The following PDCD6 variants were observed in gnomAD, a reference collection of about 807,000 sequenced individuals.
PDCD6 encodes the protein programmed cell death protein 6.
Under a neutral mutation model 28.3 loss-of-function variants are expected in PDCD6, and 12 were observed. The observed-to-expected ratio is 0.42, with a 90% CI of 0.27 to 0.69. The LOEUF (loss-of-function observed/expected upper bound fraction) is 0.69. Among genes scored for constraint, PDCD6 ranks in the 30% least tolerant of loss-of-function variants. The pLI, the probability that PDCD6 is intolerant of heterozygous loss-of-function variation, is 0.22. For synonymous variants in PDCD6, 92 were observed against 108.0 expected, an observed-to-expected ratio of 0.85 and a Z score of 0.92; for missense variants, 226 against 269.9, an observed-to-expected ratio of 0.84 and a Z score of 1.14.
rs1467813442 is a variant in PDCD6, at chr5:293,050, G to A, written c.164-11127G>A. The stretch of plus-strand genomic sequence containing the variant: ...GTCCCCTCTCAAGTCTGCACCATCC[G>A]GAAAACCAAACACCTCTCTCTCCTA... On this transcript the variant is annotated intron_variant, in intron 2 of 5. Coordinates refer to ENST00000264933, the MANE Select transcript of PDCD6 (RefSeq NM_013232.4). Among the ~76,000 whole-genome samples, 12 of 152,214 alleles carry A rather than the reference G, an allele frequency of 7.9e-5. No homozygotes were observed. In the South Asian group the frequency reaches 1.9e-3, roughly 24 times the overall value.
chr5:275,671 G>T (rs1048675133), intron 2 of PDCD6, among the ~76,000 whole-genome samples: 3 of 152,122 alleles, frequency 2.0e-5, no homozygotes, highest in African/African-American at 7.2e-5. Flanking sequence ...ATTCCTTCTG[G>T]AATAAGGCAG....
Position 271,711 on chromosome 5 carries a change from G to A in PDCD6, c.-10G>A. ...TGCAGGCGCCTCAGCCCAGCCGCGT[G>A]CCTTGGCCCATGGCCGCCTACTCTT... On this transcript the variant is annotated 5_prime_UTR_variant, in exon 1 of 6. Coordinates refer to ENST00000264933, the MANE Select transcript of PDCD6 (RefSeq NM_013232.4). The A allele has an allele frequency of 6.6e-7, 1 of 1,515,574 alleles. No homozygotes were observed. The highest frequency in any genetic ancestry group is 8.9e-7 in the Non-Finnish European group (1 of 1,125,686). 93.9% of individuals were successfully genotyped at this position (1,515,574 alleles called of 1,614,324 possible).
At chr5:281,323 C>T (rs1333233224) in intron 2 of PDCD6, among the ~76,000 whole-genome samples, 15 of 152,072 alleles carry the variant, frequency 9.9e-5, no homozygotes, top group African/African-American at 9.7e-5. Context: ...CTGGTGCTAT[C>T]GCTGTTCAAA....
intron 2 of PDCD6, among the ~76,000 whole-genome samples, chr5:279,134 T>C (rs1008224169): frequency 3.3e-5 from 5 of 151,992 alleles, no homozygotes; most frequent in Non-Finnish European, 4.4e-5. Context: ...AGAATTCCAG[T>C]GTGGGGACAC....
At position 285,433 on chromosome 5, in the gene PDCD6, G is replaced by A. The variant is rs375048040; in HGVS notation, c.163+12661G>A. ...TGCAGCTGGAGACCTGATGGGAGCC[G>A]ATGTTCCAGTTTGAGGGCCATGCAG... is the stretch of plus-strand genomic sequence containing the variant. On this transcript the variant is annotated intron_variant, in intron 2 of 5. Coordinates refer to ENST00000264933, the MANE Select transcript of PDCD6 (RefSeq NM_013232.4). Among the ~76,000 whole-genome samples the A allele has an allele frequency of 3.3e-5, 5 of 151,070 alleles. No homozygotes were observed. In the East Asian group the frequency reaches 6.0e-4, roughly 18 times the overall value.
intron 4 of PDCD6, chr5:308,650 A>T (rs1740689114): frequency 6.6e-6 from 1 of 152,162 alleles, no homozygotes; most frequent in Non-Finnish European, 1.5e-5. Context: ...TTGGCCTCAG[A>T]AGCAAAAATT....
At chr5:306,792 T>C (rs1170206334) in intron 4 of PDCD6, 32 bp downstream of exon 4, 1 of 1,598,598 alleles carries the variant, frequency 6.3e-7, no homozygotes, top group South Asian at 1.1e-5. Flanking sequence ...GTGTAGCGTG[T>C]TTCATTTTGG....
intron 2 of PDCD6, among the ~76,000 whole-genome samples, chr5:302,217 C>T (rs1178990251): frequency 1.7e-5 from 2 of 114,644 alleles, no homozygotes; most frequent in African/African-American, 6.7e-5. Context: ...GTGTGTATGC[C>T]TCGGGTTCAG....
chr5:288,269 C>T (rs1295802024), intron 2 of PDCD6, among the ~76,000 whole-genome samples: 3 of 142,886 alleles, frequency 2.1e-5, no homozygotes. Flanking sequence ...TATAACATTT[C>T]CCCCCTTAAA....
intron 2 of PDCD6, among the ~76,000 whole-genome samples, chr5:296,399 G>A (rs570093526): frequency 7.9e-5 from 12 of 152,252 alleles, no homozygotes; most frequent in African/African-American, 2.4e-4. Flanking sequence ...ACCTGGGCAC[G>A]TGGCATATTT....
At chr5:310,861 G>A (rs1740868551) in intron 4 of PDCD6, 1 of 174,786 alleles carries the variant, frequency 5.7e-6, no homozygotes, top group South Asian at 1.3e-4. Context: ...GCAACCCAGG[G>A]CAGCGAATCA....
At chr5:308,863 A>T (rs975963197) in intron 4 of PDCD6, 2 of 152,298 alleles carry the variant, frequency 1.3e-5, no homozygotes, top group Non-Finnish European at 2.9e-5. Context: ...GTTAACATCA[A>T]CTGTGTGCCA....
rs1047196493 is a variant in PDCD6, at chr5:306,321, C to T, written c.209-281C>T. The stretch of plus-strand genomic sequence containing the variant: ...GTGGCTGCGGCTGGATTTCCTCACA[C>T]ATCCCATTGCACGGCCTGCCTCACA... On this transcript the variant is annotated intron_variant, in intron 3 of 5. Transcript: ENST00000264933. 36 of 366,726 alleles carry T rather than the reference C, an allele frequency of 9.8e-5. 1 individual carries two copies. Among genetic ancestry groups the T allele is most frequent in the Non-Finnish European group, 1.6e-4 (31 of 192,296 alleles). 22.7% of individuals were successfully genotyped at this position (366,726 alleles called of 1,614,324 possible).
At chr5:278,296 G>A (rs1475855052) in intron 2 of PDCD6, among the ~76,000 whole-genome samples, 1 of 151,992 alleles carries the variant, frequency 6.6e-6, no homozygotes, top group Non-Finnish European at 1.5e-5. Flanking sequence ...CAGGCACTGG[G>A]GATAGGGTGA....
At chr5:278,018 C>A (rs1280649767) in intron 2 of PDCD6, among the ~76,000 whole-genome samples, 1 of 152,128 alleles carries the variant, frequency 6.6e-6, no homozygotes, top group African/African-American at 2.4e-5. Context: ...TAGATGAGTC[C>A]CTTCTCCAGC....
At chr5:295,047 G>T (rs1739522083) in intron 2 of PDCD6, among the ~76,000 whole-genome samples, 1 of 152,170 alleles carries the variant, frequency 6.6e-6, no homozygotes, top group Non-Finnish European at 1.5e-5. Context: ...GCTCTCTGGG[G>T]CGGTGGCGTG....
intron 2 of PDCD6, among the ~76,000 whole-genome samples, chr5:295,918 G>A (rs2126731606): frequency 6.6e-6 from 1 of 151,624 alleles, no homozygotes; most frequent in South Asian, 2.1e-4. Context: ...AAGTGTGACT[G>A]TGTGTAAGGA....
At chr5:274,478 G>A (rs1350749512) in intron 2 of PDCD6, among the ~76,000 whole-genome samples, 1 of 152,210 alleles carries the variant, frequency 6.6e-6, no homozygotes, top group African/African-American at 2.4e-5. Flanking sequence ...GTTACTGGGA[G>A]GGAGTATTGA....
At chr5:297,380 T>A (rs1202352159) in intron 2 of PDCD6, among the ~76,000 whole-genome samples, 1 of 152,254 alleles carries the variant, frequency 6.6e-6, no homozygotes, top group Non-Finnish European at 1.5e-5. Context: ...ATTGTGTTTC[T>A]CTTGTAAATG....
Sources: gnomAD v4.1 joint callset for allele counts (sites outside exome capture counted in the v4.1 genomes callset) on GRCh38, gnomAD v4.1.1 for gene constraint, MANE v1.5 for transcripts, NCBI Gene and HGNC (gene_info 2026-07-23, HGNC 2026-07-21) for gene names.